PYGL: variants seen among roughly 807,000 people sequenced by gnomAD.
The protein encoded by PYGL is glycogen phosphorylase L, also known as glycogen phosphorylase, liver form.
Under a neutral mutation model 100.1 loss-of-function variants are expected in PYGL, and 90 were observed. The observed-to-expected ratio is 0.90, with a 90% CI of 0.76 to 1.07. PYGL has a LOEUF of 1.07. Among genes scored for constraint, PYGL ranks in the 50% least tolerant of loss-of-function variants. The pLI, the probability that PYGL is intolerant of heterozygous loss-of-function variation, is 0.00. For synonymous variants in PYGL, 373 were observed against 393.0 expected, an observed-to-expected ratio of 0.95 and a Z score of 0.60; for missense variants, 1,016 against 1,057.6, an observed-to-expected ratio of 0.96 and a Z score of 0.55.
chr14:50,920,720 T>C, intron 6 of PYGL, 97 bp from the exon 7 acceptor site: 1 of 1,240,704 alleles, frequency 8.1e-7, no homozygotes, highest in South Asian at 1.2e-5. Context: ...TCATGTGGGA[T>C]TCCTAAAATT....
chr14:50,937,869 C>T, intron 1 of PYGL, 32 bp from the exon 2 acceptor site: 2 of 1,557,574 alleles, frequency 1.3e-6, no homozygotes, highest in East Asian at 2.2e-5. Flanking sequence ...TAATGTTTCC[C>T]CCAAGAGATC....
chr14:50,916,068 C>A, intron 9 of PYGL, 97 bp from the exon 10 acceptor site: 2 of 1,520,090 alleles, frequency 1.3e-6, no homozygotes, highest in Middle Eastern at 2.0e-4. Context: ...TGCAACAGGA[C>A]CATTCCAAGT....
At chr14:50,915,573 T>G (rs1324932091) in intron 10 of PYGL, 74 bp from the exon 11 acceptor site, 2 of 1,576,472 alleles carry the variant, frequency 1.3e-6, no homozygotes, top group Non-Finnish European at 1.7e-6. Context: ...TGTTCATGTC[T>G]TAAGCAAAAT....
intron 11 of PYGL, chr14:50,915,045 C>G: frequency 1.6e-6 from 1 of 620,868 alleles, no homozygotes; most frequent in Non-Finnish European, 2.8e-6. Context: ...CATCTGACTT[C>G]TTCACACTGA....
chr14:50,911,011 G>C (rs1166375092), intron 16 of PYGL, among the ~76,000 whole-genome samples: 2 of 152,196 alleles, frequency 1.3e-5, no homozygotes, highest in Admixed American at 6.5e-5. Context: ...CCTTTATGCA[G>C]AGAGTTCTTA....
At position 50,916,738 on chromosome 14, in the gene PYGL, G is replaced by C; in HGVS notation, c.1000-4C>G. 6.2e-7 allele frequency: 1 copy of C among 1,612,488 alleles called. No individual in the cohort carries two copies. The highest frequency in any genetic ancestry group is 8.5e-7 in the Non-Finnish European group (1 of 1,178,544). ...TGTCATTCAGCTGGATGGCCACCTG[G>C]GTGGGGAAAGACATCAACATGAAGG... On this transcript the variant is annotated splice_polypyrimidine_tract_variant and splice_region_variant and intron_variant, in intron 8 of 19. Transcript: ENST00000216392.
rs755197431 is a variant in PYGL at position 50,931,683 on chromosome 14, T to C, written c.518A>G (p.Asp173Gly). Residue 173 changes from aspartate (D) to glycine (G), a missense_variant, in exon 4 of 20, where the codon GAT becomes GGT. Asp to Gly is a moderately conservative substitution (Grantham distance 94, BLOSUM62 -1). Transcript: ENST00000216392. ...AGATGGCTCACACACCTGCCATCCATCTCGGATCTTCTGATTGAAAATCCC... is the reference window on the plus strand; with the variant it reads ...AGATGGCTCACACACCTGCCATCCACCTCGGATCTTCTGATTGAAAATCCC... ...EYGIFNQKIR[D>G]GWQVEEADDW... 2.5e-6 allele frequency: 4 copies of C among 1,613,296 alleles called. No individual in the cohort carries two copies. The highest frequency in any genetic ancestry group is 4.5e-5 in the East Asian group (2 of 44,884).
intron 2 of PYGL, 64 bp from the exon 3 acceptor site, chr14:50,935,249 CA>C (rs2050644274): frequency 7.9e-7 from 1 of 1,270,952 alleles, no homozygotes; most frequent in Admixed American, 1.7e-5. Context: ...GAGGGACAGC[CA>C]TTTCCTACAG....
intron 1 of PYGL, 76 bp from the exon 2 acceptor site, chr14:50,937,913 G>T: frequency 7.8e-7 from 1 of 1,282,546 alleles, no homozygotes; most frequent in African/African-American, 1.5e-5. Flanking sequence ...AAGGTCATGT[G>T]TTAGGTCACC....
At chr14:50,923,681 TTCTGGCAAAAAAAAAAAAAAAAA>T (rs2050521031) in intron 5 of PYGL, 1 of 302,158 alleles carries the variant, frequency 3.3e-6, no homozygotes, top group African/African-American at 2.4e-5. Context: ...ACTGACAATT[TTCTGGCAAAAAAAAAAAAAAAAA>T]AAAAAGAACT....
chr14:50,935,134 C>A lies in PYGL; in HGVS notation c.397G>T (p.Gly133Cys). The change falls in exon 3 of 20, where the codon GGC (glycine) becomes TGC (cysteine). Residue 133 changes from glycine (G) to cysteine (C), a missense_variant. Transcript: ENST00000216392. Reference sequence around the variant, plus strand: ...GCAAGTCTCCCAAGACCACCATTGCCAAGTCCAGCATCTTCTTCAATTTCT... The same window carrying A: ...GCAAGTCTCCCAAGACCACCATTGCAAAGTCCAGCATCTTCTTCAATTTCT... Reference protein sequence around the residue: ...LEEIEEDAGLGNGGLGRLAAC... With the variant: ...LEEIEEDAGLCNGGLGRLAAC... 1.2e-6 allele frequency: 2 copies of A among 1,612,928 alleles called. No homozygotes were observed. The highest frequency in any genetic ancestry group is 1.7e-6 in the Non-Finnish European group (2 of 1,178,902).
intron 5 of PYGL, chr14:50,923,602 A>T: frequency 5.0e-6 from 1 of 201,630 alleles, no homozygotes; most frequent in East Asian, 1.4e-4. Flanking sequence ...ATGACATTTC[A>T]AATTATTCAA....
At chr14:50,910,569 C>A (rs772833762) in intron 16 of PYGL, among the ~76,000 whole-genome samples, 10 of 152,124 alleles carry the variant, frequency 6.6e-5, no homozygotes, top group Non-Finnish European at 1.3e-4. Context: ...AATCTTCCTG[C>A]CCCAGCCTCC....
intron 19 of PYGL, 94 bp downstream of exon 19, chr14:50,908,177 A>G (rs2050352749): frequency 1.0e-6 from 1 of 983,386 alleles, no homozygotes; most frequent in Non-Finnish European, 1.6e-6. Flanking sequence ...CTGATATTAC[A>G]TGGGGATCTG....
intron 1 of PYGL, 86 bp downstream of exon 1, chr14:50,944,075 G>A: frequency 6.8e-7 from 1 of 1,474,834 alleles, no homozygotes; most frequent in South Asian, 1.2e-5. Flanking sequence ...ACCACTCTGA[G>A]GGGTTCTCCA....
intron 16 of PYGL, 111 bp downstream of exon 16, chr14:50,911,619 C>T (rs2050398372): frequency 1.4e-6 from 2 of 1,392,384 alleles, no homozygotes; most frequent in Non-Finnish European, 1.0e-6. Flanking sequence ...ACAAGAGTGA[C>T]ACCTTCTATC....
At chr14:50,931,506 C>T (rs1258292656) in intron 4 of PYGL, among the ~76,000 whole-genome samples, 167 bp downstream of exon 4, 1 of 152,186 alleles carries the variant, frequency 6.6e-6, no homozygotes, top group East Asian at 1.9e-4. Context: ...TCTTGGGGAA[C>T]ATACATTCTG....
At chr14:50,926,595 G>A (rs542643040) in intron 4 of PYGL, among the ~76,000 whole-genome samples, 123 of 150,906 alleles carry the variant, frequency 8.2e-4, no homozygotes, top group African/African-American at 2.7e-3. Context: ...GCATGGTGGC[G>A]GGCACCTGTA....
intron 12 of PYGL, chr14:50,913,394 T>G (rs1225049937): frequency 6.1e-6 from 1 of 164,356 alleles, no homozygotes; most frequent in Non-Finnish European, 1.3e-5. Flanking sequence ...TTTTTTGAGA[T>G]GGAGTCTCGC....
Sources: gnomAD v4.1 joint callset for allele counts (sites outside exome capture counted in the v4.1 genomes callset) on GRCh38, gnomAD v4.1.1 for gene constraint, MANE v1.5 for transcripts, NCBI Gene and HGNC (gene_info 2026-07-23, HGNC 2026-07-21) for gene names.